The following ATP8A2 variants were observed in gnomAD, a reference collection of about 807,000 sequenced individuals.
ATP8A2 encodes the protein phospholipid-transporting ATPase IB.
ATP8A2 carries 100 observed loss-of-function variants against 165.6 expected under a neutral mutation model. The observed-to-expected ratio is 0.60, with a 90% CI of 0.51 to 0.71. ATP8A2 has a LOEUF of 0.71. ATP8A2 is among the 30% of genes least tolerant of loss of function. ATP8A2 has a pLI of 0.00. For synonymous variants in ATP8A2, 543 were observed against 548.8 expected, an observed-to-expected ratio of 0.99 and a Z score of 0.15; for missense variants, 1,227 against 1,479.5, an observed-to-expected ratio of 0.83 and a Z score of 2.80.
At chr13:25,922,719 A>T (rs1410594597) in intron 33 of ATP8A2, among the ~76,000 whole-genome samples, 1 of 152,176 alleles carries the variant, frequency 6.6e-6, no homozygotes, top group Non-Finnish European at 1.5e-5. Context: ...TAATACGTCC[A>T]CACAGGTCCA....
chr13:25,640,354 T>C (rs2041485200), intron 24 of ATP8A2, among the ~76,000 whole-genome samples: 1 of 151,934 alleles, frequency 6.6e-6, no homozygotes, highest in Non-Finnish European at 1.5e-5. Context: ...GATAGACTGC[T>C]AGCAAGACTA....
chr13:25,703,781 G>C (rs2042999764), intron 25 of ATP8A2, among the ~76,000 whole-genome samples: 1 of 152,170 alleles, frequency 6.6e-6, no homozygotes, highest in South Asian at 2.1e-4. Context: ...CAGCGGTTGG[G>C]AGGAGGAAGA....
intron 33 of ATP8A2, among the ~76,000 whole-genome samples, chr13:25,937,806 A>G (rs142610965): frequency 0.45 from 64,362 of 143,866 alleles, 15,969 homozygotes; most frequent in East Asian, 0.72. Flanking sequence ...CCGAGATGGC[A>G]ACACTGCACT....
chr13:25,601,691 T>C (rs1037448687), intron 24 of ATP8A2, among the ~76,000 whole-genome samples: 11 of 152,154 alleles, frequency 7.2e-5, no homozygotes, highest in African/African-American at 2.7e-4. Flanking sequence ...CCAGTTGCTG[T>C]CGAACTGAAC....
rs1412183964 is a variant in ATP8A2 at position 25,564,030 on chromosome 13, A to G, written c.1472A>G (p.His491Arg). The G allele has an allele frequency of 1.2e-6, 2 of 1,609,204 alleles. No individual in the cohort carries two copies. Among genetic ancestry groups the G allele is most frequent in the East Asian group, 2.2e-5 (1 of 44,832 alleles). Residue 491 changes from histidine to arginine, a missense_variant and splice_region_variant, in exon 16 of 37, where the codon CAT (histidine) becomes CGT (arginine). Transcript: ENST00000381655. ...CTGTTGAAGAACATTGAGGATCGCC[A>G]TGTAAGTGCTCTGTTTTACTTCGAA... The part of the protein sequence containing the change: ...PRLLKNIEDR[H>R]PTAPCIQEFL...
At chr13:25,645,329 TC>T (rs2041643779) in intron 24 of ATP8A2, among the ~76,000 whole-genome samples, 1 of 152,066 alleles carries the variant, frequency 6.6e-6, no homozygotes, top group Non-Finnish European at 1.5e-5. Flanking sequence ...TTCAATTACC[TC>T]CCCCTGGGTC....
At chr13:25,436,149 A>G (rs2034769398) in intron 1 of ATP8A2, among the ~76,000 whole-genome samples, 2 of 151,854 alleles carry the variant, frequency 1.3e-5, no homozygotes, top group African/African-American at 4.8e-5. Context: ...CTCAGGGGGT[A>G]CATGTGCAGG....
intron 33 of ATP8A2, among the ~76,000 whole-genome samples, chr13:25,892,480 C>CTCTCTGTCTCTCTG (rs1555286139): frequency 3.8e-4 from 56 of 147,480 alleles, no homozygotes; most frequent in African/African-American, 1.3e-3. Context: ...GTCTCTCTGT[C>CTCTCTGTCTCTCTG]TCTCTCTCTC....
At chr13:25,880,793 C>T (rs1353774657) in intron 33 of ATP8A2, 1 of 405,514 alleles carries the variant, frequency 2.5e-6, no homozygotes, top group Non-Finnish European at 4.9e-6. Context: ...TCAACAGAAG[C>T]AGCCAACTTT....
intron 1 of ATP8A2, among the ~76,000 whole-genome samples, chr13:25,441,132 A>G (rs1049439276): frequency 4.6e-5 from 7 of 152,130 alleles, no homozygotes; most frequent in African/African-American, 1.4e-4. Context: ...TTTTCAGGCT[A>G]TTTATTTCAG....
In ATP8A2 at chr13:25,589,662, A is replaced by C; in HGVS notation, c.2174A>C (p.Asn725Thr). 1 of 1,612,384 alleles carries C rather than the reference A, an allele frequency of 6.2e-7. No homozygotes were observed. The highest frequency in any genetic ancestry group is 8.5e-7 in the Non-Finnish European group (1 of 1,178,648). Residue 725 changes from asparagine (N) to threonine (T), a missense_variant, in exon 24 of 37, where the codon AAT (asparagine) becomes ACT (threonine). Physicochemically the swap from Asn to Thr is moderately conservative, Grantham distance 65 (BLOSUM62 0). This residue lies in a region of ATP8A2 where 592 missense variants were observed against 785.6 expected (regional missense o/e 0.75). Transcript: ENST00000381655. ...IGYSCRLVSQ[N>T]MALILLKEDS... is the part of the protein sequence containing the mutation. ...TATTCCTGCCGATTGGTATCGCAGAATATGGCCCTTATCCTATTGAAGGAG... is the reference window on the plus strand; with the variant it reads ...TATTCCTGCCGATTGGTATCGCAGACTATGGCCCTTATCCTATTGAAGGAG...
At chr13:25,660,575 T>C (rs928579184) in intron 24 of ATP8A2, among the ~76,000 whole-genome samples, 2 of 152,064 alleles carry the variant, frequency 1.3e-5, no homozygotes, top group African/African-American at 4.8e-5. Flanking sequence ...AATCCCACAC[T>C]GTAAACCTAA....
intron 2 of ATP8A2, among the ~76,000 whole-genome samples, chr13:25,484,796 C>T (rs536525812): frequency 3.9e-5 from 6 of 152,234 alleles, no homozygotes; most frequent in East Asian, 1.9e-4. Context: ...GGATTACAGG[C>T]GTGAGCGACC....
At chr13:25,488,826 T>TA (rs1385048746) in intron 2 of ATP8A2, among the ~76,000 whole-genome samples, 1 of 151,930 alleles carries the variant, frequency 6.6e-6, no homozygotes, top group Non-Finnish European at 1.5e-5. Context: ...CACCACTTTT[T>TA]AAAAAATAGG....
chr13:25,595,610 G>A (rs561485655), intron 24 of ATP8A2, among the ~76,000 whole-genome samples: 1 of 152,292 alleles, frequency 6.6e-6, no homozygotes, highest in South Asian at 2.1e-4. Context: ...TGCTCCCCTC[G>A]ATTGGGCCCC....
chr13:25,543,188 A>G (rs2138003602), intron 9 of ATP8A2, 103 bp from the exon 10 acceptor site: 2 of 671,540 alleles, frequency 3.0e-6, no homozygotes, highest in East Asian at 2.6e-5. Flanking sequence ...TTCAAATTGG[A>G]GGAAAGGGAA....
chr13:25,433,342 A>T (rs1030179272), intron 1 of ATP8A2, among the ~76,000 whole-genome samples: 5 of 152,082 alleles, frequency 3.3e-5, no homozygotes, highest in African/African-American at 1.2e-4. Context: ...GTGTGATCAT[A>T]GCTCACTGCA....
At chr13:25,859,339 G>C (rs9553664) in intron 30 of ATP8A2, among the ~76,000 whole-genome samples, 1 of 151,950 alleles carries the variant, frequency 6.6e-6, no homozygotes, top group African/African-American at 2.4e-5. Context: ...ACAAACCTGC[G>C]CATGTACCCC....
chr13:25,995,947 G>T (rs1009180063), intron 35 of ATP8A2, among the ~76,000 whole-genome samples: 4 of 152,102 alleles, frequency 2.6e-5, no homozygotes, highest in African/African-American at 7.2e-5. Flanking sequence ...CACATATTTT[G>T]CAGCTCTGTT....
Sources: gnomAD v4.1 joint callset for allele counts (sites outside exome capture counted in the v4.1 genomes callset) on GRCh38, gnomAD v4.1.1 for gene constraint, gnomAD v4.1.1 regional missense constraint, MANE v1.5 for transcripts, NCBI Gene and HGNC (gene_info 2026-07-23, HGNC 2026-07-21) for gene names.